TMEM217: variants seen among roughly 807,000 people sequenced by gnomAD.
TMEM217 encodes the protein chromosome 6 open reading frame 128.
For missense variants in TMEM217, 204 were observed against 248.8 expected (o/e 0.82, Z 1.21); for synonymous variants, 76 against 88.3 (o/e 0.86, Z 0.78).
chr6:37,224,906 T>C (rs1392496083), intron 1 of TMEM217, among the ~76,000 whole-genome samples: 1 of 151,410 alleles, frequency 6.6e-6, no homozygotes. Context: ...AGACCAGTCA[T>C]GGTGGCTCAT....
chr6:37,219,824 C>T (rs762769614), intron 1 of TMEM217, among the ~76,000 whole-genome samples: 8 of 152,118 alleles, frequency 5.3e-5, no homozygotes, highest in Admixed American at 2.0e-4. Flanking sequence ...CTTGTTCAGA[C>T]CTGAGTACAG....
exon 1 of TMEM217, chr6:37,258,021 C>A: frequency 6.3e-7 from 1 of 1,596,798 alleles, no homozygotes; most frequent in Non-Finnish European, 8.5e-7. Context: ...CAAACCCTTC[C>A]AGATCCTAAT....
intron 1 of TMEM217, among the ~76,000 whole-genome samples, chr6:37,231,234 T>C (rs1279944575): frequency 6.9e-6 from 1 of 144,988 alleles, no homozygotes; most frequent in African/African-American, 2.5e-5. Flanking sequence ...TAATTTTTTT[T>C]TTTTTTTTTT....
chr6:37,258,115 G>T lies in TMEM217; in HGVS notation c.-559C>A. 1 of 940,092 alleles carries T rather than the reference G, an allele frequency of 1.1e-6. No homozygotes were observed. Among genetic ancestry groups the T allele is most frequent in the East Asian group, 3.0e-5 (1 of 33,160 alleles). 58.2% of individuals were successfully genotyped at this position (940,092 alleles called of 1,614,324 possible). On this transcript the variant is annotated 5_prime_UTR_variant, in exon 1 of 2. It adds an upstream start codon to the 5' untranslated region. Coordinates refer to ENST00000357219, the Ensembl canonical transcript of TMEM217. ...GGGACTGCCTGGTGGCGGCAGGGCAGCTGTCAGGCAGCGAAGCGAACAGCG... is the reference window on the plus strand; with the variant it reads ...GGGACTGCCTGGTGGCGGCAGGGCATCTGTCAGGCAGCGAAGCGAACAGCG...
At chr6:37,256,425 C>T (rs1765733127) in intron 1 of TMEM217, among the ~76,000 whole-genome samples, 1 of 152,014 alleles carries the variant, frequency 6.6e-6, no homozygotes, top group Non-Finnish European at 1.5e-5. Flanking sequence ...GTCACTGCAT[C>T]CTAAGAAAAA....
At chr6:37,219,400 G>A (rs1026019841) in intron 1 of TMEM217, among the ~76,000 whole-genome samples, 2 of 152,160 alleles carry the variant, frequency 1.3e-5, no homozygotes, top group Admixed American at 6.5e-5. Flanking sequence ...AGTAATTTTC[G>A]TATGTAGCCA....
At chr6:37,246,408 CAT>C (rs1488560233) in intron 1 of TMEM217, among the ~76,000 whole-genome samples, 4 of 152,140 alleles carry the variant, frequency 2.6e-5, no homozygotes, top group Admixed American at 6.5e-5. Context: ...GGAGTGGAAA[CAT>C]ATGATACTTC....
chr6:37,214,257 T>G (rs1198350797), downstream of TMEM217, among the ~76,000 whole-genome samples: 1 of 152,170 alleles, frequency 6.6e-6, no homozygotes, highest in Non-Finnish European at 1.5e-5. Context: ...CGACAGAGTC[T>G]TGCTCTGTCA....
At chr6:37,257,503 T>C (rs1191243048) in intron 1 of TMEM217, 65 bp downstream of exon 1, 1 of 195,138 alleles carries the variant, frequency 5.1e-6, no homozygotes, top group Non-Finnish European at 1.1e-5. Flanking sequence ...AATATTAGAC[T>C]AAGGAACTTC....
chr6:37,218,854 G>T (rs1192573516), exon 2 of TMEM217: 23 of 1,614,092 alleles, frequency 1.4e-5, no homozygotes, highest in Non-Finnish European at 1.8e-5. Flanking sequence ...AGCAGATGAT[G>T]AAGTTATTTA....
intron 1 of TMEM217, among the ~76,000 whole-genome samples, chr6:37,252,635 ATATTTTTTTTT>A (rs1765498026): frequency 2.2e-3 from 135 of 60,382 alleles, no homozygotes; most frequent in Middle Eastern, 0.011. Flanking sequence ...ATATATATAT[ATATTTTTTTTT>A]TTTTTTTTTT....
intron 1 of TMEM217, among the ~76,000 whole-genome samples, chr6:37,239,326 A>G (rs1405993351): frequency 2.6e-5 from 4 of 151,846 alleles, no homozygotes; most frequent in Non-Finnish European, 5.9e-5. Context: ...CCATCTCTAC[A>G]AAACATACAA....
chr6:37,243,722 C>T (rs1176308491), intron 1 of TMEM217, among the ~76,000 whole-genome samples: 3 of 152,178 alleles, frequency 2.0e-5, no homozygotes, highest in Admixed American at 2.0e-4. Context: ...CCTCAGCATC[C>T]CAACTAGCTG....
chr6:37,234,828 T>C (rs1764406121), intron 1 of TMEM217, among the ~76,000 whole-genome samples: 1 of 152,172 alleles, frequency 6.6e-6, no homozygotes, highest in Non-Finnish European at 1.5e-5. Context: ...TGAAAGTGGT[T>C]ACCTGTGAAA....
At chr6:37,239,424 A>G (rs1224878347) in intron 1 of TMEM217, among the ~76,000 whole-genome samples, 1 of 152,128 alleles carries the variant, frequency 6.6e-6, no homozygotes, top group South Asian at 2.1e-4. Context: ...GCAGTGAACC[A>G]TGATCGTGCC....
chr6:37,246,566 C>T (rs1047176116), intron 1 of TMEM217, among the ~76,000 whole-genome samples: 2 of 152,072 alleles, frequency 1.3e-5, no homozygotes, highest in African/African-American at 4.8e-5. Context: ...GGCTTCTGAC[C>T]CTGCTGTGCC....
chr6:37,252,274 A>G (rs1765438619), intron 1 of TMEM217, among the ~76,000 whole-genome samples: 2 of 152,190 alleles, frequency 1.3e-5, no homozygotes, highest in African/African-American at 2.4e-5. Flanking sequence ...TCAAATTTCA[A>G]TGTGGATAAA....
chr6:37,232,695 G>A (rs753767767), intron 1 of TMEM217, among the ~76,000 whole-genome samples: 85 of 152,300 alleles, frequency 5.6e-4, no homozygotes, highest in Non-Finnish European at 9.3e-4. Flanking sequence ...GTTACAAAGA[G>A]GAAGTATCTT....
intron 1 of TMEM217, among the ~76,000 whole-genome samples, chr6:37,232,929 G>T (rs1764282717): frequency 6.6e-6 from 1 of 152,088 alleles, no homozygotes; most frequent in African/African-American, 2.4e-5. Context: ...GTCTCCCTCA[G>T]TGCACAAACC....
Sources: allele counts gnomAD v4.1 joint callset (sites outside exome capture counted in the v4.1 genomes callset), GRCh38; gene constraint gnomAD v4.1.1; transcripts MANE v1.5; gene names NCBI Gene and HGNC (gene_info 2026-07-23, HGNC 2026-07-21).